The following CDH6 variants were observed in gnomAD, a reference collection of about 807,000 sequenced individuals.
CDH6 encodes the protein cadherin-6.
Under a neutral mutation model 78.0 loss-of-function variants are expected in CDH6, and 31 were observed. That is an observed-to-expected ratio of 0.40 (90% CI 0.30 to 0.54). CDH6 has a LOEUF of 0.54. Ranked by LOEUF, CDH6 falls within the 20% of genes least tolerant of loss-of-function variation. The probability of loss-of-function intolerance (pLI) is 0.56; values close to 1 mark genes in which losing one functional copy is unlikely to be tolerated. For synonymous variants in CDH6, 376 were observed against 368.8 expected (o/e 1.02, Z -0.23); for missense variants, 724 against 975.9 (o/e 0.74, Z 3.44).
At position 31,266,037 on chromosome 5, in the gene CDH6, A is replaced by G. The variant is rs113393737; in HGVS notation, c.-128-1309A>G. ...ATGATCTGCCCACCTCGGCCTCCCA[A>G]ATTTGCTGGGATTACAGGCATGAGC... On this transcript the variant is annotated intron_variant, in intron 1 of 11. Coordinates refer to ENST00000265071, the MANE Select transcript of CDH6 (RefSeq NM_004932.4). Among the ~76,000 whole-genome samples, 1,258 of 152,044 alleles carry G rather than the reference A, an allele frequency of 8.3e-3. 9 individuals carry two copies. The highest frequency in any genetic ancestry group is 0.013 in the Non-Finnish European group (874 of 67,976).
intron 2 of CDH6, among the ~76,000 whole-genome samples, chr5:31,288,360 T>A (rs1052334788): frequency 3.3e-5 from 5 of 152,324 alleles, no homozygotes; most frequent in African/African-American, 1.2e-4. Flanking sequence ...TCATATGGAA[T>A]TTTATTAAAA....
chr5:31,315,473 A>G (rs1419658897), intron 8 of CDH6, among the ~76,000 whole-genome samples: 1 of 152,256 alleles, frequency 6.6e-6, no homozygotes, highest in African/African-American at 2.4e-5. Context: ...TCTGTCTTCC[A>G]TACTGTGCTA....
intron 5 of CDH6, among the ~76,000 whole-genome samples, chr5:31,300,181 T>C (rs1267184655): frequency 2.6e-5 from 4 of 152,182 alleles, no homozygotes; most frequent in Non-Finnish European, 5.9e-5. Flanking sequence ...AGTGATTAGA[T>C]AAAAGGAAGA....
intron 7 of CDH6, among the ~76,000 whole-genome samples, chr5:31,311,732 A>C (rs1316384035): frequency 6.6e-6 from 1 of 152,176 alleles, no homozygotes; most frequent in Non-Finnish European, 1.5e-5. Flanking sequence ...CTACACTTTT[A>C]AACCATCAGA....
chr5:31,299,353 G>C (rs1737693624), intron 4 of CDH6, 111 bp from the exon 5 acceptor site: 1 of 785,880 alleles, frequency 1.3e-6, no homozygotes. Flanking sequence ...CATGACATCT[G>C]CATAGCATTT....
At chr5:31,253,101 G>T (rs922737395) in intron 1 of CDH6, among the ~76,000 whole-genome samples, 1 of 152,174 alleles carries the variant, frequency 6.6e-6, no homozygotes, top group African/African-American at 2.4e-5. Context: ...GGGAGGCCTG[G>T]CTTCCTGATT....
chr5:31,197,100 A>G (rs1394897809), intron 1 of CDH6, among the ~76,000 whole-genome samples: 5 of 152,200 alleles, frequency 3.3e-5, no homozygotes, highest in Admixed American at 3.3e-4. Flanking sequence ...AAATAAATAT[A>G]TGTTGAACAT....
At chr5:31,204,359 T>C (rs997803964) in intron 1 of CDH6, among the ~76,000 whole-genome samples, 3 of 152,168 alleles carry the variant, frequency 2.0e-5, no homozygotes, top group Non-Finnish European at 4.4e-5. Context: ...TTAGTGGTTA[T>C]CTGAATAACC....
intron 2 of CDH6, among the ~76,000 whole-genome samples, chr5:31,282,605 C>A: frequency 6.6e-6 from 1 of 152,182 alleles, no homozygotes; most frequent in Non-Finnish European, 1.5e-5. Context: ...AACACAGTCA[C>A]AGGTCCCGGG....
rs746411792 is a variant in CDH6, at chr5:31,323,226, A to G, written c.2291A>G (p.Tyr764Cys). 2 of 1,614,180 alleles carry G rather than the reference A, an allele frequency of 1.2e-6. No homozygotes were observed. Among genetic ancestry groups the G allele is most frequent in the Non-Finnish European group, 1.7e-6 (2 of 1,180,014 alleles). ...ESVTTDADQD[Y>C]DYLSDWGPRF... Reference sequence around the variant, plus strand: ...GTGACCACGGATGCAGATCAAGACTATGATTACCTTAGTGACTGGGGACCT... The same window carrying G: ...GTGACCACGGATGCAGATCAAGACTGTGATTACCTTAGTGACTGGGGACCT... The change falls in exon 12 of 12, where the codon TAT becomes TGT. Residue 764 changes from tyrosine to cysteine, a missense_variant. Around this residue, in one of 3 missense-constraint regions of CDH6, gnomAD observed 220 missense variants for 240.6 expected, o/e 0.91. Transcript: ENST00000265071.
At chr5:31,312,397 C>T (rs572601250) in intron 7 of CDH6, among the ~76,000 whole-genome samples, 1 of 152,270 alleles carries the variant, frequency 6.6e-6, no homozygotes, top group African/African-American at 2.4e-5. Flanking sequence ...TGTGGCATTC[C>T]CCTGCTTAAA....
chr5:31,295,086 A>G (rs533947666), intron 3 of CDH6, among the ~76,000 whole-genome samples: 5 of 152,316 alleles, frequency 3.3e-5, no homozygotes, highest in African/African-American at 1.2e-4. Flanking sequence ...GATATCAGAG[A>G]CATTGTAGTT....
At chr5:31,287,471 C>A (rs902770557) in intron 2 of CDH6, among the ~76,000 whole-genome samples, 2 of 152,148 alleles carry the variant, frequency 1.3e-5, no homozygotes, top group African/African-American at 4.8e-5. Flanking sequence ...TACTAAGCAT[C>A]TTACATACAT....
intron 2 of CDH6, among the ~76,000 whole-genome samples, chr5:31,275,877 C>T (rs1742675761): frequency 6.6e-6 from 1 of 152,186 alleles, no homozygotes; most frequent in South Asian, 2.1e-4. Flanking sequence ...GCCTCAACCT[C>T]TCTAGCCAAA....
intron 1 of CDH6, among the ~76,000 whole-genome samples, chr5:31,227,228 G>C (rs568104116): frequency 1.7e-4 from 26 of 152,168 alleles, no homozygotes; most frequent in South Asian, 6.2e-4. Flanking sequence ...CGTACGGCGG[G>C]AAAGCACCTC....
chr5:31,205,013 A>G (rs543563956), intron 1 of CDH6, among the ~76,000 whole-genome samples: 15 of 152,320 alleles, frequency 9.8e-5, no homozygotes, highest in African/African-American at 3.6e-4. Flanking sequence ...TGATACAAAC[A>G]TAAGATGCTT....
chr5:31,208,268 G>A (rs1396579140), intron 1 of CDH6, among the ~76,000 whole-genome samples: 4 of 152,180 alleles, frequency 2.6e-5, no homozygotes, highest in South Asian at 2.1e-4. Context: ...CATCCAAGCC[G>A]CAAGGGGTTT....
At position 31,297,445 on chromosome 5, in the gene CDH6, T is replaced by C. The variant is rs761268296; in HGVS notation, c.643+37T>C. ...TGATCTTCCTTTTTATAATCTATAA[T>C]TTTAATTGACATGCTCAGCTGAGCT... On this transcript the variant is annotated intron_variant, in intron 4 of 11. Transcript: ENST00000265071. 2.7e-6 allele frequency: 4 copies of C among 1,498,462 alleles called. No homozygotes were observed. In the East Asian group the frequency reaches 6.8e-5, roughly 26 times the overall value. The allele number at this position is 1,498,462 out of a possible 1,614,324, so 92.8% of individuals were successfully genotyped here. A position where few individuals can be genotyped will look rare whatever the true frequency, so the allele number is the denominator to read the frequency against.
chr5:31,233,192 A>T (rs1741360030), intron 1 of CDH6, among the ~76,000 whole-genome samples: 1 of 150,374 alleles, frequency 6.7e-6, no homozygotes, highest in Non-Finnish European at 1.5e-5. Context: ...ATATACACAT[A>T]CAGAGAGTAT....
Sources: allele counts gnomAD v4.1 joint callset (sites outside exome capture counted in the v4.1 genomes callset), GRCh38; gene constraint gnomAD v4.1.1; regional missense constraint gnomAD v4.1.1; transcripts MANE v1.5; gene names NCBI Gene and HGNC (gene_info 2026-07-23, HGNC 2026-07-21).